The following TMED10 variants were observed in gnomAD, a reference collection of about 807,000 sequenced individuals.
TMED10 encodes the protein transmembrane p24 trafficking protein 10, also known as transmembrane emp24 domain-containing protein 10.
A neutral mutation model predicts 23.1 loss-of-function variants in TMED10; 7 were observed. The ratio of observed to expected loss-of-function variants is 0.30; its 90% CI spans 0.17 to 0.57. The LOEUF is 0.57. Ranked by LOEUF, TMED10 falls within the 20% of genes least tolerant of loss-of-function variation. The probability of loss-of-function intolerance (pLI) is 0.91; values close to 1 mark genes in which losing one functional copy is unlikely to be tolerated. For synonymous variants in TMED10, 113 were observed against 106.9 expected (o/e 1.06, Z -0.35); for missense variants, 162 against 274.8 (o/e 0.59, Z 2.90).
intron 1 of TMED10, among the ~76,000 whole-genome samples, chr14:75,174,081 C>T (rs1008579628): frequency 1.1e-4 from 17 of 152,082 alleles, no homozygotes; most frequent in Admixed American, 1.1e-3. Context: ...CAATGTAATT[C>T]CCATAAGGCC....
Position 75,133,176 on chromosome 14 carries a change from G to A in TMED10, c.*1709C>T, listed in dbSNP as rs1895708390. 6.6e-6 allele frequency: 1 copy of A among 152,030 alleles called. No homozygotes were observed. Among genetic ancestry groups the A allele is most frequent in the African/African-American group, 2.4e-5 (1 of 41,396 alleles). The allele number at this position is 152,030 out of a possible 1,614,324, so 9.4% of individuals were successfully genotyped here. ...TTAAGTAAGTGACTGGCCATGCAAGGGTTGGAAATTTTACTTATTTTTCCT... is the reference window on the plus strand; with the variant it reads ...TTAAGTAAGTGACTGGCCATGCAAGAGTTGGAAATTTTACTTATTTTTCCT... On this transcript the variant is annotated 3_prime_UTR_variant, in exon 5 of 5. Transcript: ENST00000303575.
chr14:75,148,825 G>A (rs770196587), intron 2 of TMED10, among the ~76,000 whole-genome samples: 2 of 152,174 alleles, frequency 1.3e-5, no homozygotes, highest in Admixed American at 6.5e-5. Flanking sequence ...CTACGGCTTC[G>A]ATGTGCCCCT....
intron 1 of TMED10, among the ~76,000 whole-genome samples, chr14:75,163,842 T>A (rs1000089904): frequency 2.0e-5 from 3 of 151,948 alleles, no homozygotes; most frequent in African/African-American, 7.3e-5. Flanking sequence ...CCAGGCTGGT[T>A]ATGTACTCCT....
chr14:75,147,480 C>T (rs1392414142), intron 3 of TMED10, 184 bp downstream of exon 3: 2 of 685,574 alleles, frequency 2.9e-6, no homozygotes, highest in Non-Finnish European at 5.1e-6. Flanking sequence ...AGGAGTGAGC[C>T]ACCGCGCCCG....
chr14:75,156,916 A>AAAAAGAAAAGAAAAGAAAAGAAAAAAG (rs1896026201), intron 1 of TMED10, among the ~76,000 whole-genome samples: 1 of 135,472 alleles, frequency 7.4e-6, no homozygotes, highest in Non-Finnish European at 1.5e-5. Flanking sequence ...CCGTCTCAAA[A>AAAAAGAAAAGAAAAGAAAAGAAAAAAG]AAAAGAAAAG....
intron 1 of TMED10, among the ~76,000 whole-genome samples, chr14:75,154,305 G>A (rs1041231724): frequency 6.9e-6 from 1 of 145,926 alleles, no homozygotes; most frequent in African/African-American, 2.5e-5. Context: ...TGGAGGCTGA[G>A]GCAGGATAAT....
Position 75,134,010 on chromosome 14 carries a change from G to A in TMED10, c.*875C>T, listed in dbSNP as rs950857172. The A allele has an allele frequency of 4.8e-6, 1 of 207,314 alleles. No homozygotes were observed. The highest frequency in any genetic ancestry group is 9.8e-6 in the Non-Finnish European group (1 of 101,588). 12.8% of individuals were successfully genotyped at this position (207,314 alleles called of 1,614,324 possible). ...GATCAGCCTCGTAAGATTACATTCT[G>A]TATGATTCCATTCATACAACATTCT... On this transcript the variant is annotated 3_prime_UTR_variant, in exon 5 of 5. Coordinates refer to ENST00000303575, the MANE Select transcript of TMED10 (RefSeq NM_006827.6).
At chr14:75,173,230 T>C (rs974782500) in intron 1 of TMED10, among the ~76,000 whole-genome samples, 3 of 152,002 alleles carry the variant, frequency 2.0e-5, no homozygotes, top group Non-Finnish European at 2.9e-5. Context: ...TACAAACAAA[T>C]ATGAAAACTA....
At chr14:75,171,517 T>C (rs1391676456) in intron 1 of TMED10, among the ~76,000 whole-genome samples, 1 of 152,084 alleles carries the variant, frequency 6.6e-6, no homozygotes, top group African/African-American at 2.4e-5. Flanking sequence ...TAACCTTCAG[T>C]GATTTGCCCG....
intron 1 of TMED10, among the ~76,000 whole-genome samples, chr14:75,155,598 G>A (rs1896011460): frequency 6.6e-6 from 1 of 152,114 alleles, no homozygotes; most frequent in South Asian, 2.1e-4. Flanking sequence ...CCTCAATAAA[G>A]CTAACAGAGA....
chr14:75,136,977 T>C (rs1895757993), intron 3 of TMED10: 1 of 152,074 alleles, frequency 6.6e-6, no homozygotes, highest in South Asian at 2.1e-4. Flanking sequence ...GATTATGCTT[T>C]GCTTTAAAAT....
At position 75,134,862 on chromosome 14, in the gene TMED10, G is replaced by A. The variant is rs750674183; in HGVS notation, c.*23C>T. 3.7e-6 allele frequency: 6 copies of A among 1,612,950 alleles called. No individual in the cohort carries two copies. Among genetic ancestry groups the A allele is most frequent in the Non-Finnish European group, 5.1e-6 (6 of 1,179,384 alleles). On this transcript the variant is annotated 3_prime_UTR_variant, in exon 5 of 5. Transcript: ENST00000303575. ...TGTTCTGCTGGCTGAGGTACAAGGT[G>A]GGAGGAGAATATGCCTCATTCATTA...
At chr14:75,151,184 C>T (rs147359696) in intron 2 of TMED10, among the ~76,000 whole-genome samples, 49 of 151,066 alleles carry the variant, frequency 3.2e-4, no homozygotes, top group African/African-American at 1.1e-3. Context: ...GGATTACAAG[C>T]GTGAGTCACT....
chr14:75,134,826 C>T lies in TMED10; in HGVS notation c.*59G>A, dbSNP rs548462654. The T allele has an allele frequency of 5.5e-5, 88 of 1,606,802 alleles. No individual in the cohort carries two copies. In the East Asian group the frequency reaches 9.4e-4, roughly 17 times the overall value. ...TTGGTAGGATGCCTTAGGCCAGGCA[C>T]GTCCCAGCGATGTTCTGCTGGCTGA... is the stretch of plus-strand genomic sequence containing the variant. On this transcript the variant is annotated 3_prime_UTR_variant, in exon 5 of 5. Transcript: ENST00000303575.
At chr14:75,156,916 A>AAAAGAAAAG (rs1896026035) in intron 1 of TMED10, among the ~76,000 whole-genome samples, 2 of 135,472 alleles carry the variant, frequency 1.5e-5, no homozygotes, top group East Asian at 4.3e-4. Context: ...CCGTCTCAAA[A>AAAAGAAAAG]AAAAGAAAAG....
intron 3 of TMED10, 39 bp from the exon 4 acceptor site, chr14:75,135,925 T>A (rs1895743611): frequency 6.2e-7 from 1 of 1,609,034 alleles, no homozygotes; most frequent in Non-Finnish European, 8.5e-7. Flanking sequence ...TCTGAAAACA[T>A]CGCTTCAGTC....
intron 3 of TMED10, among the ~76,000 whole-genome samples, chr14:75,147,008 T>G (rs1566670939): frequency 6.6e-6 from 1 of 152,160 alleles, no homozygotes. Flanking sequence ...TTCTTAACCT[T>G]GGGCATTAAC....
chr14:75,144,494 AT>A (rs1292040227), intron 3 of TMED10, among the ~76,000 whole-genome samples: 1 of 152,198 alleles, frequency 6.6e-6, no homozygotes, highest in African/African-American at 2.4e-5. Context: ...ATCATCTTAC[AT>A]TTGTATTGTG....
intron 1 of TMED10, among the ~76,000 whole-genome samples, chr14:75,154,885 G>T (rs1449163959): frequency 6.6e-6 from 1 of 150,904 alleles, no homozygotes; most frequent in Non-Finnish European, 1.5e-5. Context: ...GGATGGTCTT[G>T]ATCTCCTGAC....
Sources: gnomAD v4.1 joint callset for allele counts (sites outside exome capture counted in the v4.1 genomes callset) on GRCh38, gnomAD v4.1.1 for gene constraint, MANE v1.5 for transcripts, NCBI Gene and HGNC (gene_info 2026-07-23, HGNC 2026-07-21) for gene names.